Variants in TBL1X observed in about 807,000 individuals in gnomAD.
TBL1X encodes the protein transducin beta like 1 X-linked, also known as F-box-like/WD repeat-containing protein TBL1X.
TBL1X carries 10 observed loss-of-function variants against 50.7 expected under a neutral mutation model. That is an observed-to-expected ratio of 0.20 (90% confidence interval 0.12 to 0.33). The LOEUF is 0.33. TBL1X is among the 10% of genes least tolerant of loss of function. The pLI is 1.00. For synonymous variants in TBL1X, 190 were observed against 214.7 expected (o/e 0.88, Z 1.01); for missense variants, 340 against 504.4 (o/e 0.67, Z 3.12).
intron 2 of TBL1X, among the ~76,000 whole-genome samples, chrX:9,538,713 G>A (rs185188190): frequency 1.8e-5 from 2 of 112,531 alleles, no homozygotes; most frequent in East Asian, 5.6e-4. Flanking sequence ...TCAGTTTCCT[G>A]GGTGATGTTT....
chrX:9,557,752 G>A (rs1226922904), intron 2 of TBL1X, among the ~76,000 whole-genome samples: 1 of 111,613 alleles, frequency 9.0e-6, no homozygotes, highest in Non-Finnish European at 1.9e-5. Flanking sequence ...CACCACATTC[G>A]GTGACATGAC....
chrX:9,659,676 C>G (rs1472331838), intron 5 of TBL1X, among the ~76,000 whole-genome samples: 1 of 111,836 alleles, frequency 8.9e-6, no homozygotes, highest in Non-Finnish European at 1.9e-5. Flanking sequence ...TTCACTTTAC[C>G]AGAAACCAGT....
intron 2 of TBL1X, among the ~76,000 whole-genome samples, chrX:9,631,864 C>G (rs1447897159): frequency 1.8e-5 from 2 of 112,829 alleles, no homozygotes; most frequent in African/African-American, 6.4e-5. Flanking sequence ...CATGGACTCC[C>G]TTCAGTCTGT....
chrX:9,696,456 TTGA>T, intron 11 of TBL1X, among the ~76,000 whole-genome samples: 1 of 112,971 alleles, frequency 8.9e-6, no homozygotes, highest in East Asian at 2.8e-4. Flanking sequence ...AAAATTCCAG[TTGA>T]TGAAGACGTA....
intron 13 of TBL1X, among the ~76,000 whole-genome samples, chrX:9,707,402 A>G (rs2083215366): frequency 8.9e-6 from 1 of 112,361 alleles, no homozygotes; most frequent in Non-Finnish European, 1.9e-5. Context: ...AGCTGTACAC[A>G]CTATCTGCAG....
chrX:9,677,077 T>C (rs16985657), intron 5 of TBL1X, among the ~76,000 whole-genome samples: 22,356 of 110,258 alleles, frequency 0.2, 1,775 homozygotes, highest in Non-Finnish European at 0.23. Flanking sequence ...CCATTTGATT[T>C]TTCATCCCGG....
rs191437258 is a variant in TBL1X at position 9,691,228 on chromosome X, G to A, written c.617-351G>A. Among the ~76,000 whole-genome samples, 37 of 110,800 alleles carry A rather than the reference G, an allele frequency of 3.3e-4. No individual in the cohort carries two copies. In the East Asian group the frequency reaches 4.3e-3, roughly 13 times the overall value. ...GGGCAGGTGGATCACTTGAGGCCAG[G>A]AGTTTGAGACCGACCCTGGCAACAT... On this transcript the variant is annotated intron_variant, in intron 7 of 17. Coordinates refer to ENST00000645353, the MANE Select transcript of TBL1X (RefSeq NM_005647.4).
At chrX:9,553,928 G>T (rs1376390151) in intron 2 of TBL1X, among the ~76,000 whole-genome samples, 4 of 112,072 alleles carry the variant, frequency 3.6e-5, no homozygotes, top group Middle Eastern at 9.2e-3. Context: ...TGGGCAGGTT[G>T]TTTTTTGTTT....
At chrX:9,512,264 G>A (rs760605881) in intron 2 of TBL1X, among the ~76,000 whole-genome samples, 1 of 111,064 alleles carries the variant, frequency 9.0e-6, no homozygotes, top group Non-Finnish European at 1.9e-5. Context: ...ACTGTTTTGG[G>A]TATCCATGAA....
intron 2 of TBL1X, among the ~76,000 whole-genome samples, chrX:9,596,820 G>A (rs2082528847): frequency 1.8e-5 from 2 of 110,966 alleles, no homozygotes; most frequent in South Asian, 3.8e-4. Context: ...CCCCCAACAC[G>A]GTGCCCTGGG....
intron 2 of TBL1X, among the ~76,000 whole-genome samples, chrX:9,633,061 C>G (rs1465450135): frequency 8.9e-6 from 1 of 112,127 alleles, no homozygotes; most frequent in Non-Finnish European, 1.9e-5. Context: ...ATGGGACAAG[C>G]AATTTTTATC....
chrX:9,697,763 C>T (rs1045414731), intron 12 of TBL1X, among the ~76,000 whole-genome samples: 13 of 111,240 alleles, frequency 1.2e-4, no homozygotes, highest in Admixed American at 5.7e-4. Flanking sequence ...AGAGCCAGAC[C>T]GTGTCTCAAA....
chrX:9,556,640 T>G (rs967628055), intron 2 of TBL1X, among the ~76,000 whole-genome samples: 4 of 109,551 alleles, frequency 3.7e-5, no homozygotes, highest in Non-Finnish European at 7.6e-5. Context: ...AACAAAATCT[T>G]GTCTCTATAA....
chrX:9,465,687 G>A (rs2081767981), intron 1 of TBL1X, among the ~76,000 whole-genome samples: 1 of 113,012 alleles, frequency 8.8e-6, no homozygotes, highest in Admixed American at 9.2e-5. Context: ...AAGTGCCGGC[G>A]CGCCTTGCGG....
At chrX:9,707,973 C>A (rs945404325) in intron 13 of TBL1X, among the ~76,000 whole-genome samples, 1 of 112,456 alleles carries the variant, frequency 8.9e-6, no homozygotes, top group African/African-American at 3.2e-5. Flanking sequence ...TAATCCAAAC[C>A]GGAGCCCTTA....
chrX:9,605,677 C>T (rs993723080), intron 2 of TBL1X, among the ~76,000 whole-genome samples: 4 of 112,378 alleles, frequency 3.6e-5, no homozygotes, highest in African/African-American at 9.7e-5. Context: ...TCTATGGCTG[C>T]ATGAATCTGG....
intron 1 of TBL1X, among the ~76,000 whole-genome samples, chrX:9,478,880 T>A (rs2081863883): frequency 8.9e-6 from 1 of 112,670 alleles, no homozygotes; most frequent in Non-Finnish European, 1.9e-5. Context: ...TCCCCTTAGT[T>A]AAGGCTTATT....
At chrX:9,665,372 A>G (rs771050394) in intron 5 of TBL1X, among the ~76,000 whole-genome samples, 87 of 99,727 alleles carry the variant, frequency 8.7e-4, no homozygotes, top group Non-Finnish European at 1.7e-3. Context: ...AACGGAAGAA[A>G]TTATGACAGT....
chrX:9,629,974 G>A (rs2082712543), intron 2 of TBL1X, among the ~76,000 whole-genome samples: 1 of 111,096 alleles, frequency 9.0e-6, no homozygotes, highest in Non-Finnish European at 1.9e-5. Context: ...CACTTCCTTG[G>A]CTCTAGTATG....
Sources: gnomAD v4.1 joint callset for allele counts (sites outside exome capture counted in the v4.1 genomes callset) on GRCh38, gnomAD v4.1.1 for gene constraint, MANE v1.5 for transcripts, NCBI Gene and HGNC (gene_info 2026-07-23, HGNC 2026-07-21) for gene names.